ANKRD62: variants seen among roughly 807,000 people sequenced by gnomAD.
The protein encoded by ANKRD62 is ankyrin repeat domain-containing protein 62.
Under a neutral mutation model 98.8 loss-of-function variants are expected in ANKRD62, and 61 were observed. The ratio of observed to expected loss-of-function variants is 0.62; its 90% CI spans 0.50 to 0.76. The LOEUF is 0.76. ANKRD62 is among the 30% of genes least tolerant of loss of function. ANKRD62 has a pLI of 0.00. For missense variants in ANKRD62, 933 were observed against 1,082.9 expected (o/e 0.86, Z 1.94); for synonymous variants, 341 against 367.9 (o/e 0.93, Z 0.84).
chr18:12,168,406 G>T, the ANKRD62 span, among the ~76,000 whole-genome samples: 1 of 152,066 alleles, frequency 6.6e-6, no homozygotes, highest in African/African-American at 2.4e-5. Flanking sequence ...TTTCCCCATT[G>T]CTTGTTTTTG....
In ANKRD62 at chr18:12,125,970, G is replaced by C; in HGVS notation, c.2149G>C (p.Glu717Gln). 6.5e-7 allele frequency: 1 copy of C among 1,537,416 alleles called. No homozygotes were observed. The highest frequency in any genetic ancestry group is 8.7e-7 in the Non-Finnish European group (1 of 1,146,888). Residue 717 changes from glutamate (E) to glutamine (Q), a missense_variant, in exon 13 of 14, where the codon GAA becomes CAA. Glu to Gln is a conservative substitution (Grantham distance 29). This residue lies in a region of ANKRD62 where 362 missense variants were observed against 434.5 expected (regional missense o/e 0.83). Transcript: ENST00000587848. Reference sequence around the variant, plus strand: ...AGCTGAGAGTACATCCAGTGGCCTGGAAACTGAGCTCCATTATGAAAGAGA... The same window carrying C: ...AGCTGAGAGTACATCCAGTGGCCTGCAAACTGAGCTCCATTATGAAAGAGA... ...SKAESTSSGL[E>Q]TELHYEREAL...
chr18:12,098,074 A>G (rs1012929233), intron 5 of ANKRD62, among the ~76,000 whole-genome samples: 3 of 152,156 alleles, frequency 2.0e-5, no homozygotes, highest in African/African-American at 7.2e-5. Context: ...CCTGTTAGAG[A>G]TGTTCAGATA....
chr18:12,131,947 A>G (rs925476263), downstream of ANKRD62, among the ~76,000 whole-genome samples: 4 of 152,074 alleles, frequency 2.6e-5, no homozygotes, highest in Admixed American at 6.6e-5. Flanking sequence ...TGTCATCTAC[A>G]TGCCATGAGA....
Position 12,122,497 on chromosome 18 carries a change from A to T in ANKRD62, c.1435A>T (p.Lys479Ter). ...QSEHQNLQGK[K>*]KLCNLRFILQ... ...AGAGCATCAGAATCTTCAAGGGAAA[A>T]AAAAGCTCTGTAATTTGAGGTATCA... The change falls in exon 11 of 14, where the codon AAA becomes TAA. Residue 479 changes from lysine to a stop codon, truncating the protein, a stop_gained. Coordinates refer to ENST00000587848, the MANE Select transcript of ANKRD62 (RefSeq NM_001277333.2). LOFTEE classifies it high-confidence loss of function. The T allele has an allele frequency of 6.6e-7, 1 of 1,522,876 alleles. No homozygotes were observed. The highest frequency in any genetic ancestry group is 1.2e-5 in the South Asian group (1 of 80,762). The allele number at this position is 1,522,876 out of a possible 1,614,324, so 94.3% of individuals were successfully genotyped here. A position where few individuals can be genotyped will look rare whatever the true frequency, so the allele number is the denominator to read the frequency against.
chr18:12,135,756 C>A, the ANKRD62 span, among the ~76,000 whole-genome samples: 1 of 152,038 alleles, frequency 6.6e-6, no homozygotes, highest in Non-Finnish European at 1.5e-5. Flanking sequence ...GAGATGGTAT[C>A]TCATTGTGGT....
At chr18:12,163,987 C>T in the ANKRD62 span, among the ~76,000 whole-genome samples, 1 of 151,522 alleles carries the variant, frequency 6.6e-6, no homozygotes, top group African/African-American at 2.4e-5. Context: ...TCTTTGACAC[C>T]TCTTTGCTTT....
At chr18:12,156,529 A>G in the ANKRD62 span, among the ~76,000 whole-genome samples, 2 of 152,150 alleles carry the variant, frequency 1.3e-5, no homozygotes, top group Non-Finnish European at 2.9e-5. Flanking sequence ...CAGTATTTTT[A>G]AAAAGGAATA....
At position 12,115,378 on chromosome 18, in the gene ANKRD62, T is replaced by C. The variant is rs756435768; in HGVS notation, c.1099-15T>C. ...ATTTCGAGGGCATTTTGAAACAGTG[T>C]TATTTATTTTATAGGTTAAAAGCCA... is the stretch of plus-strand genomic sequence containing the variant. On this transcript the variant is annotated splice_polypyrimidine_tract_variant and intron_variant, in intron 9 of 13. Coordinates refer to ENST00000587848, the MANE Select transcript of ANKRD62 (RefSeq NM_001277333.2). 263 of 1,523,760 alleles carry C rather than the reference T, an allele frequency of 1.7e-4. No homozygotes were observed. Among genetic ancestry groups the C allele is most frequent in the Admixed American group, 4.3e-4 (21 of 49,230 alleles). 94.4% of individuals were successfully genotyped at this position (1,523,760 alleles called of 1,614,324 possible).
intron 6 of ANKRD62, 28 bp downstream of exon 6, chr18:12,099,710 C>T (rs1386477129): frequency 4.5e-6 from 6 of 1,326,074 alleles, no homozygotes; most frequent in South Asian, 1.7e-5. Flanking sequence ...GAATTCCTCT[C>T]GATGGTCCTG....
At chr18:12,099,464 T>G (rs565875893) in intron 5 of ANKRD62, 151 bp from the exon 6 acceptor site, 1 of 440,682 alleles carries the variant, frequency 2.3e-6, no homozygotes, top group Admixed American at 4.2e-5. Flanking sequence ...AATTAGAAGC[T>G]TAATAAGAGT....
In ANKRD62 at chr18:12,118,466, G is replaced by A. The variant is rs188113048; in HGVS notation, c.1240+2932G>A. On this transcript the variant is annotated intron_variant, in intron 10 of 13. Transcript: ENST00000587848. ...TCTACTAAAAATACAAAAAGTAGCC[G>A]GGTGTGGTGGCGGGCGCCTGTAATC... is the stretch of plus-strand genomic sequence containing the variant. Among the ~76,000 whole-genome samples the A allele has an allele frequency of 8.9e-3, 1,348 of 152,166 alleles. 11 individuals are homozygous for A. The highest frequency in any genetic ancestry group is 0.02 in the Middle Eastern group (6 of 294).
the ANKRD62 span, among the ~76,000 whole-genome samples, chr18:12,178,539 G>T: frequency 6.7e-6 from 1 of 149,302 alleles, no homozygotes; most frequent in Admixed American, 6.7e-5. Context: ...GGTAAATGTG[G>T]CCCACAATAT....
At chr18:12,121,180 AG>A (rs1269241843) in intron 10 of ANKRD62, among the ~76,000 whole-genome samples, 1 of 152,220 alleles carries the variant, frequency 6.6e-6, no homozygotes, top group African/African-American at 2.4e-5. Flanking sequence ...TGATTTTTAA[AG>A]AAATACCTTT....
the ANKRD62 span, among the ~76,000 whole-genome samples, chr18:12,165,389 C>T: frequency 4.0e-5 from 6 of 151,792 alleles, no homozygotes; most frequent in African/African-American, 1.2e-4. Flanking sequence ...TTTTCTCTGG[C>T]GGTATAATTT....
chr18:12,115,409 A>G lies in ANKRD62; in HGVS notation c.1115A>G (p.Tyr372Cys), dbSNP rs780460437. 2.0e-5 allele frequency: 30 copies of G among 1,534,526 alleles called. No homozygotes were observed. Among genetic ancestry groups the G allele is most frequent in the Non-Finnish European group, 2.6e-5 (30 of 1,145,704 alleles). The change falls in exon 10 of 14, where the codon TAT (tyrosine) becomes TGT (cysteine). Residue 372 changes from tyrosine to cysteine, a missense_variant. Around this residue, in one of 3 missense-constraint regions of ANKRD62, gnomAD observed 549 missense variants for 587.9 expected, o/e 0.93. Transcript: ENST00000587848. ...NEKSKVKSQI[Y>C]FTDDLNDISG... ...ATTTTATAGGTTAAAAGCCAAATAT[A>G]TTTCACGGATGACCTTAATGACATA...
At chr18:12,132,683 A>C (rs954906279), downstream of ANKRD62, among the ~76,000 whole-genome samples, 1 of 152,110 alleles carries the variant, frequency 6.6e-6, no homozygotes, top group Non-Finnish European at 1.5e-5. Context: ...TTATTTTTTT[A>C]ATGAAAAATG....
rs754097851 is a variant in ANKRD62 at position 12,094,201 on chromosome 18, C to T, written c.184C>T (p.Leu62=). The change falls in exon 1 of 14, where the codon CTG becomes TTG. Residue 62 remains leucine, a synonymous_variant. Coordinates refer to ENST00000587848, the MANE Select transcript of ANKRD62 (RefSeq NM_001277333.2). ...NKVMESILLR[L]NDLNDRDKKN... Reference sequence around the variant, plus strand: ...GGTGATGGAGAGCATCTTGCTCAGGCTGAATGACTTGAACGACAGGGACAA... The same window carrying T: ...GGTGATGGAGAGCATCTTGCTCAGGTTGAATGACTTGAACGACAGGGACAA... The T allele has an allele frequency of 6.5e-7, 1 of 1,530,152 alleles. No individual in the cohort carries two copies. The highest frequency in any genetic ancestry group is 8.7e-7 in the Non-Finnish European group (1 of 1,145,802). The allele number at this position is 1,530,152 out of a possible 1,614,324, so 94.8% of individuals were successfully genotyped here. A position where few individuals can be genotyped will look rare whatever the true frequency, so the allele number is the denominator to read the frequency against.
the ANKRD62 span, among the ~76,000 whole-genome samples, chr18:12,166,358 A>G: frequency 7.2e-5 from 11 of 151,942 alleles, no homozygotes; most frequent in African/African-American, 2.7e-4. Flanking sequence ...TGTATTTTCA[A>G]ACATCCTATC....
Position 12,129,661 on chromosome 18 carries a change from T to G in ANKRD62, c.*1722T>G, listed in dbSNP as rs1909967819. On this transcript the variant is annotated 3_prime_UTR_variant, in exon 14 of 14. Transcript: ENST00000587848. ...TACTCGGGAGGCTGAGGCAGGAGAA[T>G]GGTATGAACCCGGGAGGCGGAGCTT... 1 of 144,656 alleles carries G rather than the reference T, an allele frequency of 6.9e-6. No individual in the cohort carries two copies. The highest frequency in any genetic ancestry group is 1.5e-5 in the Non-Finnish European group (1 of 67,302). The allele number at this position is 144,656 out of a possible 1,614,324, so 9.0% of individuals were successfully genotyped here.
Sources: gnomAD v4.1 joint callset for allele counts (sites outside exome capture counted in the v4.1 genomes callset) on GRCh38, gnomAD v4.1.1 for gene constraint, gnomAD v4.1.1 regional missense constraint, MANE v1.5 for transcripts, NCBI Gene and HGNC (gene_info 2026-07-23, HGNC 2026-07-21) for gene names.